The following DVL3 variants were observed in gnomAD, a reference collection of about 807,000 sequenced individuals.
DVL3 encodes the protein segment polarity protein dishevelled homolog DVL-3.
A neutral mutation model predicts 67.4 loss-of-function variants in DVL3; 27 were observed. The observed-to-expected ratio is 0.40, with a 90% CI of 0.30 to 0.55. DVL3 has a LOEUF of 0.55. Ranked by LOEUF, DVL3 falls within the 20% of genes least tolerant of loss-of-function variation. DVL3 has a pLI of 0.46. For synonymous variants in DVL3, 369 were observed against 396.8 expected, an observed-to-expected ratio of 0.93 and a Z score of 0.83; for missense variants, 819 against 1,021.5, an observed-to-expected ratio of 0.80 and a Z score of 2.70.
chr3:184,165,106 C>T lies in DVL3; in HGVS notation c.600-7C>T. The T allele has an allele frequency of 6.2e-7, 1 of 1,613,948 alleles. No individual in the cohort carries two copies. On this transcript the variant is annotated splice_polypyrimidine_tract_variant and splice_region_variant and intron_variant, in intron 5 of 14. Transcript: ENST00000313143. The surrounding 1 kb of genome is among the most constrained non-coding windows in gnomAD (Gnocchi z 4.1). Reference sequence around the variant, plus strand: ...AGCCTGGTGGGGAACGACTGTGGGCCCCACAGGTTCAGCAGCTCCACAGAA... The same window carrying T: ...AGCCTGGTGGGGAACGACTGTGGGCTCCACAGGTTCAGCAGCTCCACAGAA...
In DVL3 at chr3:184,170,255, G is replaced by A. The variant is rs981908881; in HGVS notation, c.1714+34G>A. 1.2e-6 allele frequency: 2 copies of A among 1,607,708 alleles called. No individual in the cohort carries two copies. The highest frequency in any genetic ancestry group is 2.2e-5 in the South Asian group (2 of 90,444). ...GAGGGGCCGTGGAGGAAGGCTATAG[G>A]TGGGCCCCAGGCTTCCCCCGCCCGC... On this transcript the variant is annotated intron_variant, in intron 14 of 14. Transcript: ENST00000313143. The surrounding 1 kb of genome is among the most constrained non-coding windows in gnomAD (Gnocchi z 6.5).
rs780011988 is a variant in DVL3, at chr3:184,170,553, A to G, written c.1949A>G (p.His650Arg). 140 of 1,611,904 alleles carry G rather than the reference A, an allele frequency of 8.7e-5. No homozygotes were observed. The highest frequency in any genetic ancestry group is 1.1e-4 in the Non-Finnish European group (128 of 1,179,044). The change falls in exon 15 of 15, where the codon CAC (histidine) becomes CGC (arginine). Residue 650 changes from histidine (H) to arginine (R), a missense_variant. Transcript: ENST00000313143. This position sits in a 1 kb window ranked among gnomAD's most constrained non-coding sequence, Gnocchi z 6.5. ...LASSLRSHHTHPSYGPPGVPP... is the reference protein window; with the variant it reads ...LASSLRSHHTRPSYGPPGVPP... ...AGCAGCCTTCGCAGCCACCACACAC[A>G]CCCGAGCTACGGTCCTCCCGGAGTG...
chr3:184,162,798 A>C (rs914937933), intron 1 of DVL3, among the ~76,000 whole-genome samples: 20 of 152,064 alleles, frequency 1.3e-4, no homozygotes, highest in Admixed American at 5.2e-4. Flanking sequence ...ATATAATAAC[A>C]GAGGTAACGT....
At chr3:184,156,675 G>A (rs914843911) in intron 1 of DVL3, 4 of 346,096 alleles carry the variant, frequency 1.2e-5, no homozygotes, top group African/African-American at 8.6e-5. Flanking sequence ...TGTTGGAGCC[G>A]GAAGGTTCTG....
intron 1 of DVL3, among the ~76,000 whole-genome samples, chr3:184,161,681 A>G (rs188808009): frequency 6.6e-6 from 1 of 152,210 alleles, no homozygotes; most frequent in East Asian, 1.9e-4. Context: ...CTCCGTGACC[A>G]CATTCCACAC....
rs767986181 is a variant in DVL3 at position 184,164,223 on chromosome 3, T to C, written c.232-44T>C. 3 of 1,601,102 alleles carry C rather than the reference T, an allele frequency of 1.9e-6. No homozygotes were observed. The highest frequency in any genetic ancestry group is 2.6e-6 in the Non-Finnish European group (3 of 1,173,616). ...TGGAAGTGAACTATCCCCTTCTCCT[T>C]GATGCTCCTGTAACATACTACTCAC... On this transcript the variant is annotated intron_variant, in intron 2 of 14. Transcript: ENST00000313143. This position sits in a 1 kb window ranked among gnomAD's most constrained non-coding sequence, Gnocchi z 5.3.
Position 184,166,280 on chromosome 3 carries a change from C to G in DVL3, c.903+15C>G. 2 of 1,611,430 alleles carry G rather than the reference C, an allele frequency of 1.2e-6. No individual in the cohort carries two copies. Among genetic ancestry groups the G allele is most frequent in the Non-Finnish European group, 1.7e-6 (2 of 1,178,776 alleles). ...TGTTGTTACAGGTATCAGTGCCCAT[C>G]CTAGGCGGTGGTGTGGATAGAGGGC... On this transcript the variant is annotated intron_variant, in intron 8 of 14. Transcript: ENST00000313143. The surrounding 1 kb of genome is among the most constrained non-coding windows in gnomAD (Gnocchi z 6.7).
intron 1 of DVL3, among the ~76,000 whole-genome samples, chr3:184,158,779 C>CTTT (rs34189027): frequency 1.2e-4 from 16 of 131,554 alleles, no homozygotes; most frequent in East Asian, 4.5e-4. Context: ...AATTTTTTTT[C>CTTT]TTTTTTTTTT....
Position 184,165,370 on chromosome 3 carries a change from G to C in DVL3, c.694-52G>C, listed in dbSNP as rs1714544579. 2 of 1,585,044 alleles carry C rather than the reference G, an allele frequency of 1.3e-6. No individual in the cohort carries two copies. Among genetic ancestry groups the C allele is most frequent in the Non-Finnish European group, 1.7e-6 (2 of 1,154,766 alleles). On this transcript the variant is annotated intron_variant, in intron 6 of 14. Transcript: ENST00000313143. The surrounding 1 kb of genome is among the most constrained non-coding windows in gnomAD (Gnocchi z 4.1). The stretch of plus-strand genomic sequence containing the variant: ...CTCACCTTGAGGAGGAGTCAGGTGG[G>C]AGTGAATTCCTGCCACCTCCACCTG...
Position 184,155,938 on chromosome 3 carries a change from C to T in DVL3, c.161+142C>T. 9.6e-7 allele frequency: 1 copy of T among 1,041,640 alleles called. No individual in the cohort carries two copies. 64.5% of individuals were successfully genotyped at this position (1,041,640 alleles called of 1,614,324 possible). ...AGGGGCGACTCGGCCCATTTGGGCC[C>T]CTTTGGTTCCAGCCCCAGTAGCAAC... On this transcript the variant is annotated intron_variant, in intron 1 of 14. Coordinates refer to ENST00000313143, the MANE Select transcript of DVL3 (RefSeq NM_004423.4). This position sits in a 1 kb window ranked among gnomAD's most constrained non-coding sequence, Gnocchi z 5.4.
Position 184,162,924 on chromosome 3 carries a change from C to T in DVL3, c.162-733C>T, listed in dbSNP as rs151300091. Among the ~76,000 whole-genome samples, 24 of 152,248 alleles carry T rather than the reference C, an allele frequency of 1.6e-4. No homozygotes were observed. In the East Asian group the frequency reaches 3.5e-3, roughly 22 times the overall value. The stretch of plus-strand genomic sequence containing the variant: ...GAATGTGGTGAGGCAAGAAGTCAGG[C>T]AGTAACTACAGTTTGGGGCTAGGAA... On this transcript the variant is annotated intron_variant, in intron 1 of 14. Coordinates refer to ENST00000313143, the MANE Select transcript of DVL3 (RefSeq NM_004423.4).
chr3:184,160,700 C>T (rs375554451), intron 1 of DVL3, among the ~76,000 whole-genome samples: 8 of 152,212 alleles, frequency 5.3e-5, no homozygotes, highest in Admixed American at 1.3e-4. Context: ...AGAGAGGAAA[C>T]GTGTAGTGTG....
intron 1 of DVL3, among the ~76,000 whole-genome samples, chr3:184,158,034 T>C (rs843370): frequency 0.39 from 60,016 of 152,112 alleles, 12,187 homozygotes; most frequent in East Asian, 0.53. Context: ...ATAGTATCTC[T>C]AGTTTACAAA....
At chr3:184,160,904 T>C (rs1216971542) in intron 1 of DVL3, among the ~76,000 whole-genome samples, 2 of 152,234 alleles carry the variant, frequency 1.3e-5, no homozygotes, top group Non-Finnish European at 2.9e-5. Flanking sequence ...GCTACCTCTG[T>C]GTCCCTTCTT....
Position 184,171,231 on chromosome 3 carries a change from A to T in DVL3, c.*476A>T. ...AAACCTCTTGACTTTACCCCACATTACTGAAACCAAAATATATTTGCTTCA... is the reference window on the plus strand; with the variant it reads ...AAACCTCTTGACTTTACCCCACATTTCTGAAACCAAAATATATTTGCTTCA... On this transcript the variant is annotated 3_prime_UTR_variant, in exon 15 of 15. Coordinates refer to ENST00000313143, the MANE Select transcript of DVL3 (RefSeq NM_004423.4). 1 of 1,060,210 alleles carries T rather than the reference A, an allele frequency of 9.4e-7. No homozygotes were observed. The highest frequency in any genetic ancestry group is 1.1e-6 in the Non-Finnish European group (1 of 876,036). The allele number at this position is 1,060,210 out of a possible 1,614,324, so 65.7% of individuals were successfully genotyped here.
rs1714763532 is a variant in DVL3, at chr3:184,170,168, C to A, written c.1661C>A (p.Pro554Gln). ...CCATACAACCCGCACCCGGGCTTCC[C>A]GGAGCTGGGCTACAGCTACGGCGGG... ...PHPYNPHPGF[P>Q]ELGYSYGGGS... The change falls in exon 14 of 15, where the codon CCG becomes CAG. Residue 554 changes from proline (P) to glutamine (Q), a missense_variant. Physicochemically the swap from Pro to Gln is moderately conservative, Grantham distance 76. Coordinates refer to ENST00000313143, the MANE Select transcript of DVL3 (RefSeq NM_004423.4). This position sits in a 1 kb window ranked among gnomAD's most constrained non-coding sequence, Gnocchi z 6.5. The A allele has an allele frequency of 1.2e-6, 2 of 1,613,374 alleles. No individual in the cohort carries two copies. The highest frequency in any genetic ancestry group is 4.5e-5 in the East Asian group (2 of 44,878).
intron 1 of DVL3, among the ~76,000 whole-genome samples, chr3:184,162,179 A>ATTTT (rs34375222): frequency 6.9e-6 from 1 of 144,052 alleles, no homozygotes; most frequent in Non-Finnish European, 1.5e-5. Context: ...AATGACAGCA[A>ATTTT]TTTTTTTTTT....
chr3:184,162,013 G>T (rs1183006450), intron 1 of DVL3, among the ~76,000 whole-genome samples: 1 of 152,112 alleles, frequency 6.6e-6, no homozygotes, highest in African/African-American at 2.4e-5. Context: ...GGCTAACCAG[G>T]ATTCAAATTT....
At position 184,166,990 on chromosome 3, in the gene DVL3, C is replaced by G. The variant is rs1356431111; in HGVS notation, c.1198+15C>G. 3 of 1,613,434 alleles carry G rather than the reference C, an allele frequency of 1.9e-6. No homozygotes were observed. In the Admixed American group the frequency reaches 5.0e-5, roughly 27 times the overall value. On this transcript the variant is annotated intron_variant, in intron 11 of 14. Coordinates refer to ENST00000313143, the MANE Select transcript of DVL3 (RefSeq NM_004423.4). This position sits in a 1 kb window ranked among gnomAD's most constrained non-coding sequence, Gnocchi z 6.7. ...TGACACAGAGCGTGAGTGTCCCACC[C>G]TGTCTCCTGGGCCCAGCAGACAGGG...
Sources: allele counts gnomAD v4.1 joint callset (sites outside exome capture counted in the v4.1 genomes callset), GRCh38; gene constraint gnomAD v4.1.1; non-coding constraint Gnocchi (gnomAD v3.1); transcripts MANE v1.5; gene names NCBI Gene and HGNC (gene_info 2026-07-23, HGNC 2026-07-21).